Variants in L3MBTL3 observed in about 807,000 individuals in gnomAD.
L3MBTL3 encodes the protein lethal(3)malignant brain tumor-like protein 3.
Under a neutral mutation model 102.3 loss-of-function variants are expected in L3MBTL3, and 27 were observed. That is an observed-to-expected ratio of 0.26 (90% CI 0.19 to 0.36). The LOEUF is 0.36. L3MBTL3 is among the 10% of genes least tolerant of loss of function. The pLI, the probability that L3MBTL3 is intolerant of heterozygous loss-of-function variation, is 1.00. For missense variants in L3MBTL3, 798 were observed against 955.3 expected (o/e 0.84, Z 2.17); for synonymous variants, 340 against 320.9 (o/e 1.06, Z -0.64).
At chr6:130,094,421 A>G in intron 18 of L3MBTL3, 54 bp downstream of exon 18, 2 of 1,138,246 alleles carry the variant, frequency 1.8e-6, no homozygotes, top group South Asian at 1.5e-5. Context: ...ATATACATGT[A>G]TATATAATGA....
rs112436105 is a variant in L3MBTL3 at position 130,116,972 on chromosome 6, T to TA, written c.1887-3907_1887-3906insA. Among the ~76,000 whole-genome samples, 663 of 130,798 alleles carry TA rather than the reference T, an allele frequency of 5.1e-3. 2 individuals carry two copies. The highest frequency in any genetic ancestry group is 6.5e-3 in the Non-Finnish European group (357 of 55,278). The allele number at this position is 130,798 out of a possible 152,430, so 85.8% of individuals were successfully genotyped here. ...TTTTTTATTTATTTATTTATTTATT[T>TA]TTTTATTTTTTTATTATACTTTAAG... On this transcript the variant is annotated intron_variant, in intron 19 of 22. Coordinates refer to ENST00000361794, the MANE Select transcript of L3MBTL3 (RefSeq NM_032438.4).
At chr6:130,040,329 C>G (rs1780341770) in intron 2 of L3MBTL3, among the ~76,000 whole-genome samples, 1 of 143,042 alleles carries the variant, frequency 7.0e-6, no homozygotes, top group Non-Finnish European at 1.5e-5. Flanking sequence ...GAAACTCTGT[C>G]TCAAAAAAAA....
At chr6:130,018,951 A>G (rs1395972378) in intron 1 of L3MBTL3, among the ~76,000 whole-genome samples, 1 of 152,068 alleles carries the variant, frequency 6.6e-6, no homozygotes, top group African/African-American at 2.4e-5. Flanking sequence ...CTCACTCTGA[A>G]GTAGTGAGTG....
intron 20 of L3MBTL3, among the ~76,000 whole-genome samples, chr6:130,126,119 C>G (rs1211595208): frequency 2.0e-5 from 3 of 149,490 alleles, no homozygotes; most frequent in Admixed American, 1.3e-4. Context: ...CTCCCTCCCT[C>G]TCTTTTTTTG....
chr6:130,099,241 G>A (rs1784543291), intron 18 of L3MBTL3, among the ~76,000 whole-genome samples: 1 of 152,092 alleles, frequency 6.6e-6, no homozygotes, highest in South Asian at 2.1e-4. Context: ...CATCCTATGG[G>A]ACTCTGTTCT....
At chr6:130,101,077 GTTA>G (rs1488202900) in intron 18 of L3MBTL3, among the ~76,000 whole-genome samples, 3 of 152,196 alleles carry the variant, frequency 2.0e-5, no homozygotes, top group Non-Finnish European at 4.4e-5. Context: ...TCCTTAAATT[GTTA>G]TTATTTTTTG....
chr6:130,127,256 T>C (rs1024164631), intron 20 of L3MBTL3, among the ~76,000 whole-genome samples: 3 of 152,176 alleles, frequency 2.0e-5, no homozygotes, highest in Non-Finnish European at 4.4e-5. Context: ...AAAGAAGTTT[T>C]CTTAGTCAGA....
chr6:130,039,331 G>A (rs186212109), intron 2 of L3MBTL3, among the ~76,000 whole-genome samples: 1 of 152,020 alleles, frequency 6.6e-6, no homozygotes, highest in Admixed American at 6.6e-5. Context: ...AAAAGCAACA[G>A]TATTTCTTTG....
intron 1 of L3MBTL3, chr6:130,020,400 G>A (rs1584258402): frequency 6.6e-6 from 1 of 151,944 alleles, no homozygotes; most frequent in East Asian, 2.0e-4. Context: ...GGCGGGGGGA[G>A]GGCGCAACTT....
intron 2 of L3MBTL3, among the ~76,000 whole-genome samples, chr6:130,040,375 A>G (rs1039090425): frequency 1.3e-5 from 2 of 152,048 alleles, no homozygotes; most frequent in South Asian, 4.2e-4. Flanking sequence ...TGCACTTTAA[A>G]TGGATCATTT....
At chr6:130,034,261 T>C (rs1446943010) in intron 2 of L3MBTL3, among the ~76,000 whole-genome samples, 2 of 152,236 alleles carry the variant, frequency 1.3e-5, no homozygotes, top group Non-Finnish European at 2.9e-5. Context: ...TCTTGACATT[T>C]GTGAGGTCAA....
chr6:130,076,600 A>G (rs748290509), intron 13 of L3MBTL3, among the ~76,000 whole-genome samples: 14 of 152,212 alleles, frequency 9.2e-5, no homozygotes, highest in African/African-American at 1.4e-4. Context: ...GGCTTCTTTC[A>G]TGATATACAT....
intron 13 of L3MBTL3, among the ~76,000 whole-genome samples, chr6:130,071,749 A>G (rs756868005): frequency 8.5e-5 from 13 of 152,166 alleles, no homozygotes; most frequent in Non-Finnish European, 1.5e-4. Flanking sequence ...TTTATAAAAT[A>G]CAACTTGTGT....
intron 19 of L3MBTL3, 51 bp from the exon 20 acceptor site, chr6:130,120,827 AT>A: frequency 3.6e-6 from 5 of 1,400,400 alleles, no homozygotes; most frequent in Non-Finnish European, 5.1e-6. Flanking sequence ...GTTCTGAACC[AT>A]TTTTTTAAAA....
chr6:130,102,653 T>C (rs1308037706), intron 18 of L3MBTL3, among the ~76,000 whole-genome samples: 1 of 152,182 alleles, frequency 6.6e-6, no homozygotes, highest in Non-Finnish European at 1.5e-5. Flanking sequence ...CTGGTCTCTC[T>C]TTCCCTCAAA....
In L3MBTL3 at chr6:130,052,985, T is replaced by C; in HGVS notation, c.576T>C (p.Asp192=). The part of the protein sequence containing the change: ...DTKEDGEERD[D]EMENKQDVRI... The stretch of plus-strand genomic sequence containing the variant: ...AGGAGGATGGAGAAGAGAGAGATGA[T>C]GAAATGGTGAGTGCCTCTGCCTGAC... Residue 192 remains aspartate, a synonymous_variant, in exon 7 of 23, where the codon GAT becomes GAC. Coordinates refer to ENST00000361794, the MANE Select transcript of L3MBTL3 (RefSeq NM_032438.4). 1 of 1,612,938 alleles carries C rather than the reference T, an allele frequency of 6.2e-7. No individual in the cohort carries two copies. Among genetic ancestry groups the C allele is most frequent in the East Asian group, 2.2e-5 (1 of 44,864 alleles).
At chr6:130,034,516 A>G (rs902350157) in intron 2 of L3MBTL3, among the ~76,000 whole-genome samples, 7 of 152,218 alleles carry the variant, frequency 4.6e-5, no homozygotes, top group African/African-American at 1.7e-4. Context: ...TGTCTGAGTC[A>G]TCATTGCATT....
At chr6:130,107,996 C>T (rs1319093884) in intron 19 of L3MBTL3, among the ~76,000 whole-genome samples, 1 of 152,110 alleles carries the variant, frequency 6.6e-6, no homozygotes, top group African/African-American at 2.4e-5. Context: ...TTTTCTGTTC[C>T]TCCAGAAAAG....
At chr6:130,054,419 T>C (rs951122765) in intron 7 of L3MBTL3, among the ~76,000 whole-genome samples, 2 of 152,064 alleles carry the variant, frequency 1.3e-5, no homozygotes, top group Non-Finnish European at 2.9e-5. Context: ...TAGCCCTGAG[T>C]GGAATCAGGG....
Sources: allele counts gnomAD v4.1 joint callset (sites outside exome capture counted in the v4.1 genomes callset), GRCh38; gene constraint gnomAD v4.1.1; transcripts MANE v1.5; gene names NCBI Gene and HGNC (gene_info 2026-07-23, HGNC 2026-07-21).